TULP4: variants seen among roughly 807,000 people sequenced by gnomAD.
TULP4 encodes tubby-related protein 4.
In TULP4, 16 loss-of-function variants were observed where a neutral mutation model predicts 129.0. The ratio of observed to expected loss-of-function variants is 0.12; its 90% CI spans 0.08 to 0.19. The LOEUF (loss-of-function observed/expected upper bound fraction) is 0.19, where lower values mean the gene tolerates loss of function less well. Ranked by LOEUF, TULP4 falls within the 10% of genes least tolerant of loss-of-function variation. TULP4 has a pLI of 1.00. For missense variants in TULP4, 1,842 were observed against 2,059.1 expected (o/e 0.89, Z 2.04); for synonymous variants, 998 against 854.0 (o/e 1.17, Z -2.94).
Position 158,503,020 on chromosome 6 carries a change from A to G in TULP4, c.3357A>G (p.Pro1119=). 6.2e-7 allele frequency: 1 copy of G among 1,613,898 alleles called. No homozygotes were observed. The highest frequency in any genetic ancestry group is 8.5e-7 in the Non-Finnish European group (1 of 1,179,966). ...AAGCTGCTGTCACCCTGAAACGGCC[A>G]CCCCCTTACCAGTGGGACCCCATGC... The part of the protein sequence containing the change: ...LPEAAVTLKR[P]PPYQWDPMLG... Residue 1119 remains proline, a synonymous_variant, in exon 13 of 14, where the codon CCA becomes CCG. Transcript: ENST00000367097. This position sits in a 1 kb window ranked among gnomAD's most constrained non-coding sequence, Gnocchi z 4.3.
At chr6:158,356,119 A>G (rs1489417962) in intron 1 of TULP4, among the ~76,000 whole-genome samples, 2 of 152,244 alleles carry the variant, frequency 1.3e-5, no homozygotes, top group African/African-American at 4.8e-5. Context: ...ACTTCAATAA[A>G]GTTAATTTTT....
At chr6:158,376,765 A>G (rs971965280) in intron 1 of TULP4, among the ~76,000 whole-genome samples, 3 of 152,090 alleles carry the variant, frequency 2.0e-5, no homozygotes, top group Admixed American at 6.6e-5. Context: ...CCCTGGGAAA[A>G]CTTTTCCACA....
chr6:158,468,765 A>G (rs372081333), intron 6 of TULP4, among the ~76,000 whole-genome samples: 2 of 152,226 alleles, frequency 1.3e-5, no homozygotes, highest in South Asian at 4.1e-4. Flanking sequence ...TGGGAAGTCC[A>G]AGATCCAGGC....
intron 1 of TULP4, among the ~76,000 whole-genome samples, chr6:158,352,359 T>G (rs943902019): frequency 7.2e-5 from 11 of 152,240 alleles, no homozygotes; most frequent in African/African-American, 2.7e-4. Context: ...ATTCATTAGA[T>G]GAAATTTTAA....
At chr6:158,426,473 G>A (rs539771900) in intron 2 of TULP4, among the ~76,000 whole-genome samples, 172 of 138,864 alleles carry the variant, frequency 1.2e-3, no homozygotes, top group African/African-American at 4.7e-3. Flanking sequence ...TTATTGAATA[G>A]GGAGTCCTTT....
At chr6:158,384,769 G>C (rs559348930) in intron 1 of TULP4, among the ~76,000 whole-genome samples, 7 of 152,278 alleles carry the variant, frequency 4.6e-5, no homozygotes, top group African/African-American at 1.7e-4. Flanking sequence ...ACCTGAACTC[G>C]CCCTTGCTGG....
chr6:158,343,404 A>T (rs1265298526), intron 1 of TULP4, among the ~76,000 whole-genome samples: 1 of 152,206 alleles, frequency 6.6e-6, no homozygotes. Context: ...GGTGAGTGTT[A>T]CGGGCTGAAC....
chr6:158,420,859 C>G (rs1283845330), intron 2 of TULP4, among the ~76,000 whole-genome samples: 2 of 152,092 alleles, frequency 1.3e-5, no homozygotes, highest in Non-Finnish European at 1.5e-5. Flanking sequence ...TTATAAAATC[C>G]TAGATCTAAA....
At position 158,440,511 on chromosome 6, in the gene TULP4, A is replaced by C. The variant is rs1778867294; in HGVS notation, c.544-8485A>C. Among the ~76,000 whole-genome samples, 4 of 152,150 alleles carry C rather than the reference A, an allele frequency of 2.6e-5. No homozygotes were observed. The South Asian group carries it at 8.3e-4, about 32-fold the overall frequency. Reference sequence around the variant, plus strand: ...AATGAGATTTAGTCTAAGCCAACGCAAAGAGTGATCCTTTTTCTTCTTTCC... The same window carrying C: ...AATGAGATTTAGTCTAAGCCAACGCCAAGAGTGATCCTTTTTCTTCTTTCC... On this transcript the variant is annotated intron_variant, in intron 3 of 13. Coordinates refer to ENST00000367097, the MANE Select transcript of TULP4 (RefSeq NM_020245.5).
chr6:158,505,859 T>C (rs1582888984), intron 13 of TULP4, among the ~76,000 whole-genome samples: 2 of 151,894 alleles, frequency 1.3e-5, no homozygotes, highest in Admixed American at 1.3e-4. Context: ...TTCACCCCAT[T>C]CTTTTTTTTT....
chr6:158,454,457 A>G (rs1016912391), intron 5 of TULP4, among the ~76,000 whole-genome samples: 3 of 152,168 alleles, frequency 2.0e-5, no homozygotes, highest in African/African-American at 7.2e-5. Flanking sequence ...TCTCTACCAA[A>G]TATCTGGTGA....
At chr6:158,246,306 G>A (rs1196556547) in intron 1 of TULP4, among the ~76,000 whole-genome samples, 5 of 151,754 alleles carry the variant, frequency 3.3e-5, no homozygotes, top group Non-Finnish European at 5.9e-5. Flanking sequence ...TCGAGACCAC[G>A]GTGAAACCCA....
chr6:158,496,128 C>CT (rs1296693549), intron 11 of TULP4, among the ~76,000 whole-genome samples: 14 of 152,150 alleles, frequency 9.2e-5, no homozygotes, highest in Non-Finnish European at 1.9e-4. Flanking sequence ...GGGGAGGTCC[C>CT]TATGTGAGTT....
At chr6:158,450,140 A>T (rs1779134586) in intron 4 of TULP4, among the ~76,000 whole-genome samples, 1 of 152,086 alleles carries the variant, frequency 6.6e-6, no homozygotes, top group African/African-American at 2.4e-5. Context: ...AGCTGTAACC[A>T]TCTCGTTTTG....
intron 2 of TULP4, among the ~76,000 whole-genome samples, chr6:158,422,764 A>G (rs1778376235): frequency 6.6e-6 from 1 of 152,208 alleles, no homozygotes; most frequent in African/African-American, 2.4e-5. Context: ...TGGTTTGACC[A>G]GGCATGTGAT....
chr6:158,379,191 G>A (rs1270769253), intron 1 of TULP4, among the ~76,000 whole-genome samples: 1 of 152,188 alleles, frequency 6.6e-6, no homozygotes, highest in Admixed American at 6.5e-5. Context: ...CAGTTGAGGT[G>A]TGAGAAGACT....
chr6:158,476,799 T>A (rs1779830815), intron 6 of TULP4, among the ~76,000 whole-genome samples: 1 of 152,194 alleles, frequency 6.6e-6, no homozygotes, highest in Non-Finnish European at 1.5e-5. Flanking sequence ...GACAAATGGT[T>A]AAATTTTTCA....
intron 1 of TULP4, among the ~76,000 whole-genome samples, chr6:158,403,623 G>A (rs999039202): frequency 1.3e-5 from 2 of 152,226 alleles, no homozygotes; most frequent in South Asian, 2.1e-4. Flanking sequence ...AGCTGTTTCC[G>A]CCCGGTTTTG....
At chr6:158,364,871 G>A (rs562917445) in intron 1 of TULP4, among the ~76,000 whole-genome samples, 6 of 152,188 alleles carry the variant, frequency 3.9e-5, no homozygotes, top group African/African-American at 1.4e-4. Context: ...CGAGTTGTGG[G>A]ACTACAGGCG....
Sources: gnomAD v4.1 joint callset for allele counts (sites outside exome capture counted in the v4.1 genomes callset) on GRCh38, gnomAD v4.1.1 for gene constraint, Gnocchi (gnomAD v3.1) non-coding constraint, MANE v1.5 for transcripts, NCBI Gene and HGNC (gene_info 2026-07-23, HGNC 2026-07-21) for gene names.